Variants in DNAH10 observed in about 807,000 individuals in gnomAD.
DNAH10 encodes the protein dynein axonemal heavy chain 10.
Under a neutral mutation model 506.6 loss-of-function variants are expected in DNAH10, and 348 were observed. The ratio of observed to expected loss-of-function variants is 0.69; its 90% confidence interval spans 0.63 to 0.75. The LOEUF is 0.75. DNAH10 is among the 30% of genes least tolerant of loss of function. DNAH10 has a pLI of 0.00. For missense variants in DNAH10, 5,179 were observed against 5,787.1 expected (o/e 0.89, Z 3.41); for synonymous variants, 2,059 against 2,198.6 (o/e 0.94, Z 1.78).
rs1032979646 is a variant in DNAH10, at chr12:123,820,727, G to A, written c.4148G>A (p.Arg1383Lys). 1 of 1,613,968 alleles carries A rather than the reference G, an allele frequency of 6.2e-7. No homozygotes were observed. The highest frequency in any genetic ancestry group is 8.5e-7 in the Non-Finnish European group (1 of 1,179,886). ...GTGCAGAAGGAAATGAGTGGGCTGA[G>A]GATGATTTACGAGCTCTATGAAGGA... is the stretch of plus-strand genomic sequence containing the variant. ...LKVQKEMSGL[R>K]MIYELYEGLK... Residue 1383 changes from arginine to lysine, a missense_variant, in exon 24 of 79, where the codon AGG (arginine) becomes AAG (lysine). Transcript: ENST00000673944.
intron 56 of DNAH10, among the ~76,000 whole-genome samples, chr12:123,900,320 AT>A (rs1482801051): frequency 1.3e-5 from 2 of 152,180 alleles, no homozygotes; most frequent in Non-Finnish European, 2.9e-5. Context: ...GGATGCTGGT[AT>A]TCCACGTATT....
rs141105279 is a variant in DNAH10, at chr12:123,777,543, A to T, written c.621+3279A>T. On this transcript the variant is annotated intron_variant, in intron 5 of 78. Coordinates refer to ENST00000673944, the MANE Select transcript of DNAH10 (RefSeq NM_001372106.1). Reference sequence around the variant, plus strand: ...CCACTGAGCTGCCTGCACACAAGGGACTTTCTACCTGAAGACAACCTCCTT... The same window carrying T: ...CCACTGAGCTGCCTGCACACAAGGGTCTTTCTACCTGAAGACAACCTCCTT... Among the ~76,000 whole-genome samples the T allele has an allele frequency of 4.4e-3, 677 of 152,334 alleles. 6 individuals carry two copies. Among genetic ancestry groups the T allele is most frequent in the African/African-American group, 0.015 (629 of 41,570 alleles).
At chr12:123,918,543 C>G (rs1954587067) in intron 64 of DNAH10, 133 bp from the exon 65 acceptor site, 2 of 1,152,544 alleles carry the variant, frequency 1.7e-6, no homozygotes, top group Non-Finnish European at 2.3e-6. Flanking sequence ...GGTGCCCTCG[C>G]TCCCCTGCAG....
chr12:123,867,783 C>T, intron 42 of DNAH10, 120 bp from the exon 43 acceptor site: 1 of 1,333,364 alleles, frequency 7.5e-7, no homozygotes, highest in Non-Finnish European at 1.0e-6. Context: ...CTGTCTGAAC[C>T]AACATGTTGG....
In DNAH10 at chr12:123,935,546, C is replaced by T; in HGVS notation, c.*65C>T. ...GGGGTTGTCAGAGTGATCGGGTCTGCTGTCATTTCTTGGGGCCTCTCAAGA... is the reference window on the plus strand; with the variant it reads ...GGGGTTGTCAGAGTGATCGGGTCTGTTGTCATTTCTTGGGGCCTCTCAAGA... On this transcript the variant is annotated 3_prime_UTR_variant, in exon 79 of 79. Coordinates refer to ENST00000673944, the MANE Select transcript of DNAH10 (RefSeq NM_001372106.1). The T allele has an allele frequency of 1.3e-6, 2 of 1,489,658 alleles. No individual in the cohort carries two copies. The highest frequency in any genetic ancestry group is 9.1e-7 in the Non-Finnish European group (1 of 1,098,984). 92.3% of individuals were successfully genotyped at this position (1,489,658 alleles called of 1,614,324 possible). A position where few individuals can be genotyped will look rare whatever the true frequency, so the allele number is the denominator to read the frequency against.
Position 123,818,905 on chromosome 12 carries a change from G to T in DNAH10, c.3781-45G>T, listed in dbSNP as rs769631308. On this transcript the variant is annotated intron_variant, in intron 21 of 78. Coordinates refer to ENST00000673944, the MANE Select transcript of DNAH10 (RefSeq NM_001372106.1). ...TGACCATCAATTTCAATTCCAAATT[G>T]CTCATCATTTGTTGTTTATTCTGTT... is the stretch of plus-strand genomic sequence containing the variant. The T allele has an allele frequency of 6.1e-6, 8 of 1,319,644 alleles. No homozygotes were observed. In the South Asian group the frequency reaches 1.0e-4, roughly 17 times the overall value. 81.7% of individuals were successfully genotyped at this position (1,319,644 alleles called of 1,614,324 possible).
rs1565895023 is a variant in DNAH10 at position 123,781,125 on chromosome 12, A to G, written c.667A>G (p.Thr223Ala). The G allele has an allele frequency of 6.2e-7, 1 of 1,613,972 alleles. No homozygotes were observed. The highest frequency in any genetic ancestry group is 8.5e-7 in the Non-Finnish European group (1 of 1,179,926). ...LSFNQHRTST[T>A]VGVTSGEVSN... ...CTTCAATCAGCACAGGACGAGTACA[A>G]CCGTGGGAGTCACATCTGGAGAAGT... Residue 223 changes from threonine (T) to alanine (A), a missense_variant, in exon 6 of 79, where the codon ACC (threonine) becomes GCC (alanine). By Grantham distance (58) the Thr-to-Ala change is moderately conservative. Transcript: ENST00000673944.
Position 123,909,498 on chromosome 12 carries a change from G to A in DNAH10, c.9997+56G>A. 6.7e-7 allele frequency: 1 copy of A among 1,488,300 alleles called. No homozygotes were observed. Among genetic ancestry groups the A allele is most frequent in the Non-Finnish European group, 9.0e-7 (1 of 1,113,912 alleles). 92.2% of individuals were successfully genotyped at this position (1,488,300 alleles called of 1,614,324 possible). A position where few individuals can be genotyped will look rare whatever the true frequency, so the allele number is the denominator to read the frequency against. ...GGTGGATCTCGGTCTGGCATCTCAGGCTCTGGGACAGGGATGGAGGGCAAG... is the reference window on the plus strand; with the variant it reads ...GGTGGATCTCGGTCTGGCATCTCAGACTCTGGGACAGGGATGGAGGGCAAG... On this transcript the variant is annotated intron_variant, in intron 58 of 78. Transcript: ENST00000673944. The surrounding 1 kb of genome is among the most constrained non-coding windows in gnomAD (Gnocchi z 5.4).
Position 123,845,670 on chromosome 12 carries a change from G to A in DNAH10, c.5431G>A (p.Val1811Met), listed in dbSNP as rs1950921053. 6.2e-7 allele frequency: 1 copy of A among 1,613,798 alleles called. No individual in the cohort carries two copies. The highest frequency in any genetic ancestry group is 8.5e-7 in the Non-Finnish European group (1 of 1,179,876). The change falls in exon 31 of 79, where the codon GTG becomes ATG. Residue 1811 changes from valine (V) to methionine (M), a missense_variant. By Grantham distance (21) the Val-to-Met change is conservative. Transcript: ENST00000673944. ...AASQVWWTWEVEDVFHKAQKG... is the reference protein window; with the variant it reads ...AASQVWWTWEMEDVFHKAQKG... ...TAGCCAGGTGTGGTGGACCTGGGAGGTGGAAGACGTCTTCCACAAAGCGCA... is the reference window on the plus strand; with the variant it reads ...TAGCCAGGTGTGGTGGACCTGGGAGATGGAAGACGTCTTCCACAAAGCGCA...
At position 123,850,909 on chromosome 12, in the gene DNAH10, C is replaced by T; in HGVS notation, c.6124C>T (p.Leu2042=). 6.2e-7 allele frequency: 1 copy of T among 1,612,974 alleles called. No homozygotes were observed. The highest frequency in any genetic ancestry group is 8.5e-7 in the Non-Finnish European group (1 of 1,179,322). ...CCAGTTTGAAGGGCAGGAGATTTCC[C>T]TGGACTCCCGCATGGGCATCTTCAT... is the stretch of plus-strand genomic sequence containing the variant. ...TFQFEGQEIS[L]DSRMGIFITM... The change falls in exon 35 of 79, where the codon CTG becomes TTG. Residue 2042 remains leucine, a synonymous_variant. Coordinates refer to ENST00000673944, the MANE Select transcript of DNAH10 (RefSeq NM_001372106.1). The surrounding 1 kb of genome is among the most constrained non-coding windows in gnomAD (Gnocchi z 5.5).
In DNAH10 at chr12:123,818,947, T is replaced by C. The variant is rs756171979; in HGVS notation, c.3781-3T>C. 6.3e-7 allele frequency: 1 copy of C among 1,580,738 alleles called. No homozygotes were observed. Among genetic ancestry groups the C allele is most frequent in the African/African-American group, 1.3e-5 (1 of 74,416 alleles). Reference sequence around the variant, plus strand: ...TATTCTGTTTTTTGTTTCTCCTAATTAGCCTCCTGATGCAGAGAAAGAACT... The same window carrying C: ...TATTCTGTTTTTTGTTTCTCCTAATCAGCCTCCTGATGCAGAGAAAGAACT... On this transcript the variant is annotated splice_region_variant and splice_polypyrimidine_tract_variant and intron_variant, in intron 21 of 78. Coordinates refer to ENST00000673944, the MANE Select transcript of DNAH10 (RefSeq NM_001372106.1).
At chr12:123,886,326 G>T (rs1952724204) in intron 51 of DNAH10, among the ~76,000 whole-genome samples, 1 of 152,156 alleles carries the variant, frequency 6.6e-6, no homozygotes, top group Admixed American at 6.5e-5. Flanking sequence ...GGGTAGTGGG[G>T]TCAGAACAGG....
At chr12:123,908,647 C>A (rs1201456789) in intron 57 of DNAH10, 2 of 441,384 alleles carry the variant, frequency 4.5e-6, no homozygotes, top group East Asian at 7.0e-5. Flanking sequence ...TCCAGAGGAA[C>A]AAGGGCAGTG....
Position 123,796,610 on chromosome 12 carries a change from C to A in DNAH10, c.1987-46C>A, listed in dbSNP as rs776207310. ...TTCAAATCTCATCTTTCTTGGCTAA[C>A]CTGGCGATGTTTATCACTTACAGAA... On this transcript the variant is annotated intron_variant, in intron 12 of 78. Coordinates refer to ENST00000673944, the MANE Select transcript of DNAH10 (RefSeq NM_001372106.1). 5 of 1,518,008 alleles carry A rather than the reference C, an allele frequency of 3.3e-6. 1 individual carries two copies. The South Asian group carries it at 6.6e-5, about 20-fold the overall frequency. 94.0% of individuals were successfully genotyped at this position (1,518,008 alleles called of 1,614,324 possible). A position where few individuals can be genotyped will look rare whatever the true frequency, so the allele number is the denominator to read the frequency against.
At chr12:123,923,527 T>C (rs79634921) in intron 65 of DNAH10, 11,282 of 376,460 alleles carry the variant, frequency 0.03, 952 homozygotes, top group African/African-American at 0.19. Context: ...CCTGTAGACA[T>C]GGCCATTTCC....
At position 123,928,229 on chromosome 12, in the gene DNAH10, T is replaced by C; in HGVS notation, c.12106-158T>C. On this transcript the variant is annotated intron_variant, in intron 69 of 78. Transcript: ENST00000673944. This position sits in a 1 kb window ranked among gnomAD's most constrained non-coding sequence, Gnocchi z 4.9. ...CCCATGGGGTTTCTCAAAGATGGTT[T>C]ATTTGAAGGCTCCACCTGTAGCTCC... 1 of 806,598 alleles carries C rather than the reference T, an allele frequency of 1.2e-6. No individual in the cohort carries two copies. Among genetic ancestry groups the C allele is most frequent in the Non-Finnish European group, 1.9e-6 (1 of 522,934 alleles). 50.0% of individuals were successfully genotyped at this position (806,598 alleles called of 1,614,324 possible).
chr12:123,934,459 G>A, intron 77 of DNAH10, 162 bp from the exon 78 acceptor site: 3 of 864,272 alleles, frequency 3.5e-6, no homozygotes, highest in Non-Finnish European at 3.7e-6. Context: ...GAGGGAAGGT[G>A]GGCAGGACAG....
rs1440328732 is a variant in DNAH10 at position 123,914,935 on chromosome 12, G to A, written c.10658G>A (p.Cys3553Tyr). Reference sequence around the variant, plus strand: ...ACCCGGGCCAGCCGCTTCCCTCTGTGTATCGACCCCCAGCAGCAGGCCCTC... The same window carrying A: ...ACCCGGGCCAGCCGCTTCCCTCTGTATATCGACCCCCAGCAGCAGGCCCTC... ...LTTRASRFPL[C>Y]IDPQQQALNW... The change falls in exon 62 of 79, where the codon TGT becomes TAT. Residue 3553 changes from cysteine to tyrosine, a missense_variant. Cys to Tyr is a radical substitution (Grantham distance 194). This residue lies in a region of DNAH10 where 4,844 missense variants were observed against 5,430.5 expected (regional missense o/e 0.89). Coordinates refer to ENST00000673944, the MANE Select transcript of DNAH10 (RefSeq NM_001372106.1). 1 of 1,612,624 alleles carries A rather than the reference G, an allele frequency of 6.2e-7. No homozygotes were observed. Among genetic ancestry groups the A allele is most frequent in the Non-Finnish European group, 8.5e-7 (1 of 1,179,420 alleles).
intron 5 of DNAH10, among the ~76,000 whole-genome samples, chr12:123,780,169 CT>C (rs1957591779): frequency 7.1e-6 from 1 of 141,156 alleles, no homozygotes; most frequent in Non-Finnish European, 1.5e-5. Flanking sequence ...CTCTCTCTCT[CT>C]CTCTCTTTCT....
Sources: gnomAD v4.1 joint callset for allele counts (sites outside exome capture counted in the v4.1 genomes callset) on GRCh38, gnomAD v4.1.1 for gene constraint, gnomAD v4.1.1 regional missense constraint, Gnocchi (gnomAD v3.1) non-coding constraint, MANE v1.5 for transcripts, NCBI Gene and HGNC (gene_info 2026-07-23, HGNC 2026-07-21) for gene names.